Variants in SLC13A3 observed in about 807,000 individuals in gnomAD.
The protein encoded by SLC13A3 is solute carrier family 13 member 3.
SLC13A3 carries 40 observed loss-of-function variants against 59.0 expected under a neutral mutation model. The ratio of observed to expected loss-of-function variants is 0.68; its 90% CI spans 0.53 to 0.88. The LOEUF (loss-of-function observed/expected upper bound fraction) is 0.88. Among genes scored for constraint, SLC13A3 ranks in the 40% least tolerant of loss-of-function variants. The pLI is 0.00. For synonymous variants in SLC13A3, 317 were observed against 330.3 expected (o/e 0.96, Z 0.44); for missense variants, 699 against 783.2 (o/e 0.89, Z 1.28).
chr20:46,592,278 TAAAA>T, intron 6 of SLC13A3, 122 bp downstream of exon 6: 1 of 1,205,732 alleles, frequency 8.3e-7, no homozygotes, highest in Non-Finnish European at 1.2e-6. Context: ...CATACATACA[TAAAA>T]GAAAGAAATG....
rs181705396 is a variant in SLC13A3, at chr20:46,599,679, C to T, written c.608+292G>A. On this transcript the variant is annotated intron_variant, in intron 4 of 12. Coordinates refer to ENST00000279027, the MANE Select transcript of SLC13A3 (RefSeq NM_022829.6). ...TTGACTGTCATGCAGTTTGTGCTAT[C>T]TTGCTTTTTTGGGTCTCTTCTTTCA... Among the ~76,000 whole-genome samples, 13 of 152,308 alleles carry T rather than the reference C, an allele frequency of 8.5e-5. No homozygotes were observed. In the East Asian group the frequency reaches 2.3e-3, roughly 27 times the overall value.
chr20:46,652,388 GT>G (rs200645740), upstream of SLC13A3, among the ~76,000 whole-genome samples: 11 of 150,790 alleles, frequency 7.3e-5, no homozygotes, highest in South Asian at 2.1e-4. Flanking sequence ...TTATTTTTGG[GT>G]TTTTTTTTCT....
At chr20:46,577,746 A>T (rs1361104062) in intron 9 of SLC13A3, among the ~76,000 whole-genome samples, 1 of 152,230 alleles carries the variant, frequency 6.6e-6, no homozygotes, top group Non-Finnish European at 1.5e-5. Flanking sequence ...ACCTGATACC[A>T]GCCGACTGTC....
intron 1 of SLC13A3, among the ~76,000 whole-genome samples, chr20:46,616,587 C>G (rs1383712502): frequency 6.6e-6 from 1 of 152,220 alleles, no homozygotes; most frequent in Non-Finnish European, 1.5e-5. Flanking sequence ...TTGGAAAAGC[C>G]TCAATGTGTG....
Position 46,596,350 on chromosome 20 carries a change from C to T in SLC13A3, c.609-8G>A. The stretch of plus-strand genomic sequence containing the variant: ...TCCCCAGGGTGGTCTTTGCTTTAAA[C>T]AAATCCAAAGAGAAGCCATTCAGAA... On this transcript the variant is annotated splice_polypyrimidine_tract_variant and splice_region_variant and intron_variant, in intron 4 of 12. Transcript: ENST00000279027. 1 of 1,613,184 alleles carries T rather than the reference C, an allele frequency of 6.2e-7. No homozygotes were observed. Among genetic ancestry groups the T allele is most frequent in the East Asian group, 2.2e-5 (1 of 44,890 alleles).
intron 3 of SLC13A3, among the ~76,000 whole-genome samples, chr20:46,600,418 G>A (rs2062367907): frequency 7.5e-6 from 1 of 133,180 alleles, no homozygotes; most frequent in African/African-American, 2.6e-5. Context: ...AGGAAGGAAG[G>A]AAGGAAAGGA....
At chr20:46,579,819 A>C (rs2062117142) in intron 9 of SLC13A3, among the ~76,000 whole-genome samples, 1 of 152,226 alleles carries the variant, frequency 6.6e-6, no homozygotes, top group African/African-American at 2.4e-5. Context: ...CTTTTGAAAA[A>C]TCAGCAAATC....
chr20:46,670,468 T>C (rs2063084855), upstream of SLC13A3, among the ~76,000 whole-genome samples: 1 of 152,162 alleles, frequency 6.6e-6, no homozygotes, highest in Non-Finnish European at 1.5e-5. Context: ...CTTTGGCCAA[T>C]GGGACATCAG....
chr20:46,679,784 T>C (rs2063145311), intron 1 of SLC13A3, among the ~76,000 whole-genome samples: 1 of 152,126 alleles, frequency 6.6e-6, no homozygotes, highest in African/African-American at 2.4e-5. Flanking sequence ...GGTGGGCACC[T>C]GTGATCCCAG....
chr20:46,589,329 C>T, intron 6 of SLC13A3, 74 bp from the exon 7 acceptor site: 1 of 1,244,976 alleles, frequency 8.0e-7, no homozygotes, highest in Non-Finnish European at 1.2e-6. Flanking sequence ...CAAGCACCAC[C>T]ACCTGACCAA....
At chr20:46,664,839 G>T (rs545500746) in intron 1 of SLC13A3, among the ~76,000 whole-genome samples, 1 of 152,154 alleles carries the variant, frequency 6.6e-6, no homozygotes, top group Non-Finnish European at 1.5e-5. Flanking sequence ...GGAAGAAAGA[G>T]AAGTCAAACG....
At chr20:46,643,716 C>T (rs2062867669) in intron 1 of SLC13A3, among the ~76,000 whole-genome samples, 1 of 152,178 alleles carries the variant, frequency 6.6e-6, no homozygotes, top group Non-Finnish European at 1.5e-5. Flanking sequence ...TAGAAGTTAG[C>T]TGTCAAGAGA....
chr20:46,672,837 G>A (rs147181544), upstream of SLC13A3, among the ~76,000 whole-genome samples: 25 of 152,186 alleles, frequency 1.6e-4, no homozygotes, highest in Non-Finnish European at 2.9e-4. Context: ...GCCCTATCAA[G>A]GCACAAGACA....
rs558386000 is a variant in SLC13A3, at chr20:46,608,779, T to C, written c.541+1667A>G. 174 of 1,338,900 alleles carry C rather than the reference T, an allele frequency of 1.3e-4. No individual in the cohort carries two copies. The East Asian group carries it at 4.3e-3, about 33-fold the overall frequency. The allele number at this position is 1,338,900 out of a possible 1,614,324, so 82.9% of individuals were successfully genotyped here. On this transcript the variant is annotated intron_variant, in intron 3 of 12. Coordinates refer to ENST00000279027, the MANE Select transcript of SLC13A3 (RefSeq NM_022829.6). ...AACTAGAACTAGCACACAAAACCTA[T>C]GGTTTCATGGATAATGCTTGTTGTG...
intron 9 of SLC13A3, chr20:46,582,993 T>A: frequency 1.0e-6 from 1 of 985,904 alleles, no homozygotes; most frequent in Non-Finnish European, 1.2e-6. Flanking sequence ...TCCCCAACAC[T>A]TCCTATACGG....
rs530851548 is a variant in SLC13A3 at position 46,613,443 on chromosome 20, C to A, written c.377+17G>T. 4.5e-6 allele frequency: 7 copies of A among 1,563,946 alleles called. No homozygotes were observed. Among genetic ancestry groups the A allele is most frequent in the Non-Finnish European group, 6.1e-6 (7 of 1,151,512 alleles). On this transcript the variant is annotated intron_variant, in intron 2 of 12. Transcript: ENST00000279027. Reference sequence around the variant, plus strand: ...CTGCCTCTCCGCTGTAGGGCTGGAACCATTACCTGTTCTTACCTGGCCGGC... The same window carrying A: ...CTGCCTCTCCGCTGTAGGGCTGGAAACATTACCTGTTCTTACCTGGCCGGC...
chr20:46,600,345 GAAAAGA>G (rs2062365416), intron 3 of SLC13A3, among the ~76,000 whole-genome samples: 2 of 140,064 alleles, frequency 1.4e-5, no homozygotes, highest in African/African-American at 2.7e-5. Context: ...GGAAGGAAAG[GAAAAGA>G]AAGGAAAGGA....
At position 46,570,814 on chromosome 20, in the gene SLC13A3, G is replaced by C. The variant is rs151238901; in HGVS notation, c.1333-4424C>G. 7.9e-3 allele frequency among the ~76,000 whole-genome samples: 1,203 copies of C among 152,276 alleles called. 22 individuals carry two copies. The highest frequency in any genetic ancestry group is 0.027 in the African/African-American group (1,137 of 41,544). Reference sequence around the variant, plus strand: ...AGTGATTTGCCCAAATAAATAATATGACGTGCCCTAGTAAGATTCAGAATC... The same window carrying C: ...AGTGATTTGCCCAAATAAATAATATCACGTGCCCTAGTAAGATTCAGAATC... On this transcript the variant is annotated intron_variant, in intron 10 of 12. Coordinates refer to ENST00000279027, the MANE Select transcript of SLC13A3 (RefSeq NM_022829.6).
intron 9 of SLC13A3, among the ~76,000 whole-genome samples, chr20:46,580,875 G>A (rs1403570732): frequency 1.3e-5 from 2 of 152,166 alleles, no homozygotes; most frequent in Non-Finnish European, 2.9e-5. Context: ...GCAACACCCA[G>A]AAGTTACCAT....
Sources: gnomAD v4.1 joint callset for allele counts (sites outside exome capture counted in the v4.1 genomes callset) on GRCh38, gnomAD v4.1.1 for gene constraint, MANE v1.5 for transcripts, NCBI Gene and HGNC (gene_info 2026-07-23, HGNC 2026-07-21) for gene names.